The following GRM7 variants were observed in gnomAD, a reference collection of about 807,000 sequenced individuals.
GRM7 encodes metabotropic glutamate receptor 7.
GRM7 carries 35 observed loss-of-function variants against 84.5 expected under a neutral mutation model. The observed-to-expected ratio is 0.41, with a 90% CI of 0.32 to 0.55. The LOEUF (loss-of-function observed/expected upper bound fraction) is 0.55. GRM7 is among the 20% of genes least tolerant of loss of function. The pLI, the probability that GRM7 is intolerant of heterozygous loss-of-function variation, is 0.19. For synonymous variants in GRM7, 487 were observed against 455.1 expected, an observed-to-expected ratio of 1.07 and a Z score of -0.89; for missense variants, 1,003 against 1,194.6, an observed-to-expected ratio of 0.84 and a Z score of 2.36.
chr3:7,570,367 A>G (rs1186825991), intron 7 of GRM7, among the ~76,000 whole-genome samples: 2 of 152,194 alleles, frequency 1.3e-5, no homozygotes, highest in Non-Finnish European at 2.9e-5. Context: ...AAAATAAAAA[A>G]GTTAGTTACT....
chr3:7,430,513 G>A (rs902895378), intron 5 of GRM7, among the ~76,000 whole-genome samples: 1 of 152,202 alleles, frequency 6.6e-6, no homozygotes, highest in African/African-American at 2.4e-5. Flanking sequence ...TTTATGCGTC[G>A]CTGTTAGAAT....
chr3:6,884,437 A>G (rs1444634191), intron 1 of GRM7: 1 of 152,366 alleles, frequency 6.6e-6, no homozygotes, highest in African/African-American at 2.4e-5. Context: ...TCCTCACAAT[A>G]TATTAGGACA....
Position 7,361,180 on chromosome 3 carries a change from C to T in GRM7, c.1034-53843C>T, listed in dbSNP as rs116057361. On this transcript the variant is annotated intron_variant, in intron 4 of 9. Coordinates refer to ENST00000357716, the MANE Select transcript of GRM7 (RefSeq NM_000844.4). The stretch of plus-strand genomic sequence containing the variant: ...CTTCTGGATCCAAGAAGAGATTTGA[C>T]ATTCCAAAAAGCCATGTTAGATTTA... Among the ~76,000 whole-genome samples the T allele has an allele frequency of 6.1e-3, 935 of 152,200 alleles. 7 individuals carry two copies. The highest frequency in any genetic ancestry group is 0.021 in the African/African-American group (881 of 41,554).
chr3:7,028,459 GATA>G (rs1360899342), intron 1 of GRM7, among the ~76,000 whole-genome samples: 3 of 152,168 alleles, frequency 2.0e-5, no homozygotes, highest in Non-Finnish European at 4.4e-5. Context: ...AAAACTTTCA[GATA>G]ATAATAACCT....
At chr3:7,314,974 C>G (rs1700531878) in intron 4 of GRM7, among the ~76,000 whole-genome samples, 1 of 151,666 alleles carries the variant, frequency 6.6e-6, no homozygotes. Context: ...CTTTTCCATA[C>G]TATTTCTGCA....
intron 5 of GRM7, among the ~76,000 whole-genome samples, chr3:7,449,842 T>C (rs1417545735): frequency 3.9e-5 from 6 of 152,106 alleles, no homozygotes; most frequent in Non-Finnish European, 8.8e-5. Flanking sequence ...CTTAAAAAAT[T>C]ATAGAGTACT....
intron 1 of GRM7, among the ~76,000 whole-genome samples, chr3:6,940,216 C>A (rs1575040921): frequency 6.6e-6 from 1 of 152,084 alleles, no homozygotes; most frequent in South Asian, 2.1e-4. Flanking sequence ...CTCAACCTCC[C>A]AAGTAGCTGG....
intron 1 of GRM7, among the ~76,000 whole-genome samples, chr3:7,129,903 G>T (rs992050883): frequency 8.5e-5 from 13 of 152,164 alleles, no homozygotes; most frequent in Non-Finnish European, 1.6e-4. Flanking sequence ...TCATCAAAAT[G>T]AGTCTTTAAA....
intron 9 of GRM7, among the ~76,000 whole-genome samples, chr3:7,713,519 C>T (rs748070146): frequency 7.9e-5 from 12 of 151,946 alleles, no homozygotes; most frequent in Non-Finnish European, 1.5e-4. Context: ...ATTAAGAGTT[C>T]GGAGCTCTAG....
chr3:7,239,241 T>G (rs1697461617), intron 2 of GRM7, among the ~76,000 whole-genome samples: 1 of 152,098 alleles, frequency 6.6e-6, no homozygotes, highest in South Asian at 2.1e-4. Flanking sequence ...GCTCAAGAGA[T>G]TCACTCATCT....
intron 1 of GRM7, among the ~76,000 whole-genome samples, chr3:7,083,452 T>C (rs1698337727): frequency 6.6e-6 from 1 of 152,158 alleles, no homozygotes; most frequent in Non-Finnish European, 1.5e-5. Flanking sequence ...CTCATGTGAC[T>C]CGCTTTACTG....
chr3:7,691,329 G>GT, intron 9 of GRM7: 1 of 1,133,958 alleles, frequency 8.8e-7, no homozygotes, highest in Middle Eastern at 2.3e-4. Flanking sequence ...TCCATTTTCT[G>GT]TAAGTGTTGG....
rs531145719 is a variant in GRM7, at chr3:7,424,512, G to A, written c.1174+9349G>A. Among the ~76,000 whole-genome samples, 6 of 152,210 alleles carry A rather than the reference G, an allele frequency of 3.9e-5. 1 individual carries two copies. The highest frequency in any genetic ancestry group is 1.4e-4 in the African/African-American group (6 of 41,544). On this transcript the variant is annotated intron_variant, in intron 5 of 9. Transcript: ENST00000357716. ...TTGTGAGATAGTCAGGGTAAGTAAT[G>A]CCCTGTTTTTACAGGTTAATACAAA...
rs34535570 is a variant in GRM7 at position 7,359,220 on chromosome 3, T to TTGTGTGTGTGTGTGTGTGTGTGTGTG, written c.1033+52578_1033+52603dup. 1.2e-3 allele frequency among the ~76,000 whole-genome samples: 162 copies of TTGTGTGTGTGTGTGTGTGTGTGTGTG among 133,236 alleles called. 2 individuals carry two copies. Among genetic ancestry groups the TTGTGTGTGTGTGTGTGTGTGTGTGTG allele is most frequent in the Middle Eastern group, 3.7e-3 (1 of 272 alleles). The allele number at this position is 133,236 out of a possible 152,430, so 87.4% of individuals were successfully genotyped here. A position where few individuals can be genotyped will look rare whatever the true frequency, so the allele number is the denominator to read the frequency against. ...TTACCATTTGGTAGGGTGTTTGTGT[T>TTGTGTGTGTGTGTGTGTGTGTGTGTG]TGTGTGTGTGTGTGTGTGTGTGTGT... On this transcript the variant is annotated intron_variant, in intron 4 of 9. Coordinates refer to ENST00000357716, the MANE Select transcript of GRM7 (RefSeq NM_000844.4).
chr3:7,659,880 G>A (rs1046841445), intron 8 of GRM7, among the ~76,000 whole-genome samples: 2 of 152,120 alleles, frequency 1.3e-5, no homozygotes, highest in African/African-American at 4.8e-5. Context: ...TATAATCACT[G>A]GGCGTTTGGT....
At chr3:7,187,688 G>A (rs941256043) in intron 2 of GRM7, among the ~76,000 whole-genome samples, 1 of 152,176 alleles carries the variant, frequency 6.6e-6, no homozygotes, top group African/African-American at 2.4e-5. Context: ...GCAGATTAAG[G>A]AGCAGTTTAT....
intron 4 of GRM7, among the ~76,000 whole-genome samples, chr3:7,324,111 A>T (rs1002784812): frequency 6.6e-6 from 1 of 152,156 alleles, no homozygotes; most frequent in African/African-American, 2.4e-5. Flanking sequence ...CCACCTGTGA[A>T]ACAAACCTGG....
chr3:7,693,977 T>C (rs1339045266), intron 9 of GRM7, among the ~76,000 whole-genome samples: 1 of 152,202 alleles, frequency 6.6e-6, no homozygotes, highest in Admixed American at 6.5e-5. Flanking sequence ...TCTATTGTTC[T>C]ACTGTGATGC....
At chr3:6,949,907 C>T (rs1692658544) in intron 1 of GRM7, among the ~76,000 whole-genome samples, 1 of 152,236 alleles carries the variant, frequency 6.6e-6, no homozygotes, top group African/African-American at 2.4e-5. Context: ...TCAGCTCCAT[C>T]AGTTCCTTTA....
Sources: allele counts gnomAD v4.1 joint callset (sites outside exome capture counted in the v4.1 genomes callset), GRCh38; gene constraint gnomAD v4.1.1; transcripts MANE v1.5; gene names NCBI Gene and HGNC (gene_info 2026-07-23, HGNC 2026-07-21).